Variants in KCNIP3 observed in about 807,000 individuals in gnomAD.
KCNIP3 encodes calsenilin.
Under a neutral mutation model 35.0 loss-of-function variants are expected in KCNIP3, and 28 were observed. That is an observed-to-expected ratio of 0.80 (90% CI 0.59 to 1.10). The LOEUF (loss-of-function observed/expected upper bound fraction) is 1.10, where lower values mean the gene tolerates loss of function less well. Ranked by LOEUF, KCNIP3 falls within the 50% of genes least tolerant of loss-of-function variation. The pLI, the probability that KCNIP3 is intolerant of heterozygous loss-of-function variation, is 0.00. For missense variants in KCNIP3, 295 were observed against 338.4 expected (o/e 0.87, Z 1.01); for synonymous variants, 134 against 133.8 (o/e 1.00, Z -0.01).
chr2:95,304,396 G>C (rs1384122149), intron 1 of KCNIP3, among the ~76,000 whole-genome samples: 1 of 152,158 alleles, frequency 6.6e-6, no homozygotes, highest in African/African-American at 2.4e-5. Flanking sequence ...GGCCTGTTGA[G>C]GCTCTGAGCT....
intron 2 of KCNIP3, among the ~76,000 whole-genome samples, chr2:95,347,982 TG>T (rs1679418588): frequency 2.0e-5 from 3 of 152,308 alleles, no homozygotes; most frequent in Admixed American, 2.0e-4. Flanking sequence ...CCCTCGGGCA[TG>T]GGGAAGTGCC....
intron 2 of KCNIP3, among the ~76,000 whole-genome samples, chr2:95,358,833 C>T (rs1271827314): frequency 6.6e-6 from 1 of 152,192 alleles, no homozygotes; most frequent in East Asian, 1.9e-4. Flanking sequence ...CTAAACATTT[C>T]TTAAAGGTCC....
chr2:95,381,265 G>A (rs1479110932), intron 5 of KCNIP3, among the ~76,000 whole-genome samples: 1 of 152,056 alleles, frequency 6.6e-6, no homozygotes, highest in Non-Finnish European at 1.5e-5. Context: ...ACTCACACAG[G>A]TTCACACACT....
At chr2:95,319,142 C>T (rs995357224) in intron 2 of KCNIP3, among the ~76,000 whole-genome samples, 5 of 152,226 alleles carry the variant, frequency 3.3e-5, no homozygotes, top group East Asian at 3.9e-4. Flanking sequence ...CATACACTCA[C>T]GCATCCCCAA....
chr2:95,374,147 T>C, intron 2 of KCNIP3, 149 bp from the exon 3 acceptor site: 1 of 979,098 alleles, frequency 1.0e-6, no homozygotes, highest in Non-Finnish European at 1.5e-6. Context: ...ACCCCCTCTG[T>C]GCAGTGCACA....
At chr2:95,307,398 GTGAACT>G in intron 1 of KCNIP3, among the ~76,000 whole-genome samples, 1 of 152,382 alleles carries the variant, frequency 6.6e-6, no homozygotes, top group East Asian at 1.9e-4. Context: ...TCAAGCCCAT[GTGAACT>G]TTGGAATCAG....
chr2:95,323,848 C>T (rs1678655874), intron 2 of KCNIP3, among the ~76,000 whole-genome samples: 1 of 152,164 alleles, frequency 6.6e-6, no homozygotes, highest in South Asian at 2.1e-4. Flanking sequence ...TCCCAGAGGC[C>T]TCGGGAGGCA....
intron 2 of KCNIP3, chr2:95,355,283 G>A (rs1257488757): frequency 6.6e-6 from 1 of 152,246 alleles, no homozygotes; most frequent in African/African-American, 2.4e-5. Flanking sequence ...GACTGCATGT[G>A]TGAGTGTGCA....
chr2:95,332,395 C>T (rs1678954104), intron 2 of KCNIP3, among the ~76,000 whole-genome samples: 1 of 152,362 alleles, frequency 6.6e-6, no homozygotes, highest in Middle Eastern at 3.4e-3. Flanking sequence ...GGGTGGATGA[C>T]CTGAGGTCAG....
At chr2:95,324,277 C>T (rs879738423) in intron 2 of KCNIP3, among the ~76,000 whole-genome samples, 17 of 152,172 alleles carry the variant, frequency 1.1e-4, no homozygotes, top group Admixed American at 2.6e-4. Context: ...TTTGGGAGGC[C>T]GAGGCAGGCG....
intron 2 of KCNIP3, among the ~76,000 whole-genome samples, chr2:95,359,943 A>G (rs1472724334): frequency 2.0e-5 from 3 of 152,144 alleles, no homozygotes; most frequent in African/African-American, 7.2e-5. Context: ...CCCTAAAACC[A>G]TTCTCCCTTC....
Position 95,374,965 on chromosome 2 carries a change from G to T in KCNIP3, c.376+48G>T, listed in dbSNP as rs200094893. 936 of 1,581,062 alleles carry T rather than the reference G, an allele frequency of 5.9e-4. 7 individuals carry two copies. The highest frequency in any genetic ancestry group is 5.7e-3 in the Middle Eastern group (34 of 6,010). ...CTGCTGTGTCCCAGTGTGGAGGGAG[G>T]GGACCCTCCTGCTGCCCCTTGCATC... On this transcript the variant is annotated intron_variant, in intron 4 of 8. Transcript: ENST00000295225.
At chr2:95,300,919 C>A (rs1447736372) in intron 1 of KCNIP3, among the ~76,000 whole-genome samples, 1 of 152,232 alleles carries the variant, frequency 6.6e-6, no homozygotes, top group Non-Finnish European at 1.5e-5. Context: ...GGAAAAGCAG[C>A]TGCTGGTCTT....
chr2:95,368,051 C>T (rs1247419734), intron 2 of KCNIP3, among the ~76,000 whole-genome samples: 24 of 152,292 alleles, frequency 1.6e-4, no homozygotes, highest in African/African-American at 5.1e-4. Flanking sequence ...CATGAGCCAC[C>T]GCGCCCGGCC....
At chr2:95,364,209 T>G (rs1679864411) in intron 2 of KCNIP3, among the ~76,000 whole-genome samples, 1 of 152,224 alleles carries the variant, frequency 6.6e-6, no homozygotes, top group South Asian at 2.1e-4. Context: ...CCTGGTTTGC[T>G]GAGAGTTTTT....
At position 95,377,595 on chromosome 2, in the gene KCNIP3, A is replaced by G. The variant is rs957709155; in HGVS notation, c.447+2387A>G. Among the ~76,000 whole-genome samples, 1 of 152,210 alleles carries G rather than the reference A, an allele frequency of 6.6e-6. No individual in the cohort carries two copies. The highest frequency in any genetic ancestry group is 1.5e-5 in the Non-Finnish European group (1 of 68,036). Reference sequence around the variant, plus strand: ...GCTGTGGATGTGACAGGGTTCCTACACTTTGGCATTCAGAGCATGGAGTTA... The same window carrying G: ...GCTGTGGATGTGACAGGGTTCCTACGCTTTGGCATTCAGAGCATGGAGTTA... On this transcript the variant is annotated intron_variant, in intron 5 of 8. Coordinates refer to ENST00000295225, the MANE Select transcript of KCNIP3 (RefSeq NM_013434.5). The surrounding 1 kb of genome is among the most constrained non-coding windows in gnomAD (Gnocchi z 4.7).
rs989636415 is a variant in KCNIP3, at chr2:95,384,861, G to A, written c.*812G>A. The A allele has an allele frequency of 2.0e-5, 3 of 152,556 alleles. No individual in the cohort carries two copies. Among genetic ancestry groups the A allele is most frequent in the Non-Finnish European group, 2.9e-5 (2 of 68,284 alleles). The allele number at this position is 152,556 out of a possible 1,614,324, so 9.5% of individuals were successfully genotyped here. A position where few individuals can be genotyped will look rare whatever the true frequency, so the allele number is the denominator to read the frequency against. ...ATGAGCCTCTCCTTGCCCCAGTCCT[G>A]GTTCAGTGGGAATGCAGTGGGTGGG... On this transcript the variant is annotated 3_prime_UTR_variant, in exon 9 of 9. Transcript: ENST00000295225.
intron 2 of KCNIP3, among the ~76,000 whole-genome samples, chr2:95,316,139 G>A (rs1469835370): frequency 6.6e-6 from 1 of 152,230 alleles, no homozygotes; most frequent in African/African-American, 2.4e-5. Flanking sequence ...TTTCCCCTCT[G>A]GGGGCCTGCC....
chr2:95,305,584 T>G (rs1420182605), intron 1 of KCNIP3, among the ~76,000 whole-genome samples: 6 of 152,162 alleles, frequency 3.9e-5, no homozygotes, highest in Non-Finnish European at 7.3e-5. Context: ...ACCATCAAGA[T>G]GCAAAACAGC....
Sources: allele counts gnomAD v4.1 joint callset (sites outside exome capture counted in the v4.1 genomes callset), GRCh38; gene constraint gnomAD v4.1.1; non-coding constraint Gnocchi (gnomAD v3.1); transcripts MANE v1.5; gene names NCBI Gene and HGNC (gene_info 2026-07-23, HGNC 2026-07-21).